ARID5B: variants seen among roughly 807,000 people sequenced by gnomAD.
The protein encoded by ARID5B is AT-rich interaction domain 5B.
ARID5B carries 13 observed loss-of-function variants against 97.2 expected under a neutral mutation model. The ratio of observed to expected loss-of-function variants is 0.13; its 90% CI spans 0.09 to 0.21. The LOEUF (loss-of-function observed/expected upper bound fraction) is 0.21. Ranked by LOEUF, ARID5B falls within the 10% of genes least tolerant of loss-of-function variation. The pLI is 1.00. For missense variants in ARID5B, 1,210 were observed against 1,465.3 expected, an observed-to-expected ratio of 0.83 and a Z score of 2.84; for synonymous variants, 556 against 570.3, an observed-to-expected ratio of 0.97 and a Z score of 0.36.
intron 8 of ARID5B, among the ~76,000 whole-genome samples, chr10:62,080,312 T>A (rs1403403549): frequency 6.6e-6 from 1 of 152,170 alleles, no homozygotes; most frequent in Non-Finnish European, 1.5e-5. Flanking sequence ...GTGGCTCACA[T>A]CTCTCTCAGA....
intron 2 of ARID5B, among the ~76,000 whole-genome samples, chr10:61,912,084 T>C (rs537480148): frequency 6.6e-6 from 1 of 152,360 alleles, no homozygotes; most frequent in South Asian, 2.1e-4. Context: ...ACTCCATTGT[T>C]CTATTGTATT....
At chr10:61,984,363 C>T (rs1046300177) in intron 3 of ARID5B, among the ~76,000 whole-genome samples, 17 of 152,222 alleles carry the variant, frequency 1.1e-4, no homozygotes, top group Middle Eastern at 3.2e-3. Context: ...AATAAAGGTT[C>T]GCTGACTGCA....
intron 4 of ARID5B, among the ~76,000 whole-genome samples, chr10:62,038,608 AAGAC>A (rs1839594669): frequency 6.6e-6 from 1 of 152,198 alleles, no homozygotes. Flanking sequence ...GTATTGCAGA[AAGAC>A]AAAGTTCTAA....
At chr10:62,071,761 A>G (rs1055711883) in intron 8 of ARID5B, among the ~76,000 whole-genome samples, 3 of 152,176 alleles carry the variant, frequency 2.0e-5, no homozygotes, top group African/African-American at 7.2e-5. Context: ...AACTTTAGCA[A>G]TTAAGAAACA....
chr10:61,954,148 G>A (rs1319826363), intron 3 of ARID5B, among the ~76,000 whole-genome samples: 1 of 151,900 alleles, frequency 6.6e-6, no homozygotes, highest in African/African-American at 2.4e-5. Flanking sequence ...ACCTGAGGTT[G>A]GGAGTTCTAG....
At chr10:62,059,424 G>C (rs1839895140) in intron 7 of ARID5B, 129 bp downstream of exon 7, 1 of 677,182 alleles carries the variant, frequency 1.5e-6, no homozygotes, top group Non-Finnish European at 2.4e-6. Flanking sequence ...ACACTTTTGG[G>C]GGTTTATTGG....
At chr10:61,924,410 A>G in intron 2 of ARID5B, among the ~76,000 whole-genome samples, 1 of 152,232 alleles carries the variant, frequency 6.6e-6, no homozygotes, top group Non-Finnish European at 1.5e-5. Context: ...AGCCTGAATC[A>G]TTTACTGCAG....
rs1839780788 is a variant in ARID5B, at chr10:62,050,970, C to A, written c.816C>A (p.Asn272Lys). ...CATTCAGTGGTGTTAAGGATTCCAA[C>A]AACAATTCCGATGGCAAAGCCGTTG... ...RDSFSGVKDSNNNSDGKAVAK... is the reference protein window; with the variant it reads ...RDSFSGVKDSKNNSDGKAVAK... Residue 272 changes from asparagine (N) to lysine (K), a missense_variant, in exon 5 of 10, where the codon AAC becomes AAA. Asn to Lys is a moderately conservative substitution (Grantham distance 94, BLOSUM62 0). This residue lies in a region of ARID5B where 132 missense variants were observed against 156.7 expected (regional missense o/e 0.84). Transcript: ENST00000279873. The A allele has an allele frequency of 1.9e-6, 3 of 1,613,996 alleles. No homozygotes were observed. The highest frequency in any genetic ancestry group is 1.3e-5 in the African/African-American group (1 of 74,948).
At chr10:61,954,151 A>C (rs1389303332) in intron 3 of ARID5B, among the ~76,000 whole-genome samples, 2 of 152,002 alleles carry the variant, frequency 1.3e-5, no homozygotes, top group Admixed American at 1.3e-4. Flanking sequence ...TGAGGTTGGG[A>C]GTTCTAGACC....
In ARID5B at chr10:62,000,054, G is replaced by A; in HGVS notation, c.503-37G>A. Reference sequence around the variant, plus strand: ...TGGCCATGAAAGTTCTTTGTCAGAGGGAAGAGGGTAATGGAAGTGTTTTCT... The same window carrying A: ...TGGCCATGAAAGTTCTTTGTCAGAGAGAAGAGGGTAATGGAAGTGTTTTCT... On this transcript the variant is annotated intron_variant, in intron 3 of 9. Transcript: ENST00000279873. The surrounding 1 kb of genome is among the most constrained non-coding windows in gnomAD (Gnocchi z 4.4). 6.3e-7 allele frequency: 1 copy of A among 1,590,924 alleles called. No homozygotes were observed. The highest frequency in any genetic ancestry group is 8.6e-7 in the Non-Finnish European group (1 of 1,159,420).
intron 7 of ARID5B, among the ~76,000 whole-genome samples, chr10:62,066,813 C>T (rs1431254970): frequency 6.6e-6 from 1 of 152,138 alleles, no homozygotes; most frequent in African/African-American, 2.4e-5. Context: ...CCCTAAATAT[C>T]CCCGGCTTTC....
chr10:61,996,875 T>C (rs1839004400), intron 3 of ARID5B, among the ~76,000 whole-genome samples: 1 of 145,978 alleles, frequency 6.9e-6, no homozygotes, highest in South Asian at 2.2e-4. Flanking sequence ...TTTTTAAAAG[T>C]CTGACAACTG....
At chr10:62,014,571 G>A (rs886106933) in intron 4 of ARID5B, among the ~76,000 whole-genome samples, 1 of 152,134 alleles carries the variant, frequency 6.6e-6, no homozygotes, top group African/African-American at 2.4e-5. Context: ...AAAAAGCACA[G>A]TGTACTAGAA....
intron 2 of ARID5B, among the ~76,000 whole-genome samples, chr10:61,921,490 A>G (rs927070732): frequency 1.3e-5 from 2 of 152,202 alleles, no homozygotes; most frequent in East Asian, 1.9e-4. Context: ...GCTGGGCCAC[A>G]TGGGCCTCTC....
At chr10:62,024,050 T>G (rs1021244602) in intron 4 of ARID5B, among the ~76,000 whole-genome samples, 1 of 152,220 alleles carries the variant, frequency 6.6e-6, no homozygotes, top group Non-Finnish European at 1.5e-5. Flanking sequence ...ATGGGGATGA[T>G]AATCCTCTCA....
At chr10:62,007,745 A>G (rs1387862852) in intron 4 of ARID5B, among the ~76,000 whole-genome samples, 1 of 152,230 alleles carries the variant, frequency 6.6e-6, no homozygotes, top group Non-Finnish European at 1.5e-5. Flanking sequence ...AAAATGAAGT[A>G]TGTCATTTGC....
intron 2 of ARID5B, among the ~76,000 whole-genome samples, chr10:61,939,464 C>T (rs1182664581): frequency 6.6e-6 from 1 of 152,172 alleles, no homozygotes; most frequent in Non-Finnish European, 1.5e-5. Flanking sequence ...ACTTGCATTT[C>T]AACTACTTTT....
Position 62,091,366 on chromosome 10 carries a change from A to C in ARID5B, c.1903A>C (p.Ser635Arg), listed in dbSNP as rs1195576419. Residue 635 changes from serine (S) to arginine (R), a missense_variant, in exon 10 of 10, where the codon AGT becomes CGT. Ser to Arg is a moderately radical substitution (Grantham distance 110). Around this residue, in one of 8 missense-constraint regions of ARID5B, gnomAD observed 800 missense variants for 839.1 expected, o/e 0.95. Coordinates refer to ENST00000279873, the MANE Select transcript of ARID5B (RefSeq NM_032199.3). ...NCTVKVDQLG[S>R]DDIHNALKQT... is the part of the protein sequence containing the mutation. The stretch of plus-strand genomic sequence containing the variant: ...CACCGTGAAGGTGGACCAGCTGGGC[A>C]GTGACGACATCCACAATGCGCTCAA... 1 of 1,614,180 alleles carries C rather than the reference A, an allele frequency of 6.2e-7. No homozygotes were observed. The highest frequency in any genetic ancestry group is 8.5e-7 in the Non-Finnish European group (1 of 1,180,028).
intron 2 of ARID5B, among the ~76,000 whole-genome samples, chr10:61,923,132 G>A (rs966062553): frequency 1.3e-5 from 2 of 152,152 alleles, no homozygotes; most frequent in Non-Finnish European, 2.9e-5. Flanking sequence ...TACACATGGG[G>A]CATGTTGTAT....
Sources: allele counts gnomAD v4.1 joint callset (sites outside exome capture counted in the v4.1 genomes callset), GRCh38; gene constraint gnomAD v4.1.1; regional missense constraint gnomAD v4.1.1; non-coding constraint Gnocchi (gnomAD v3.1); transcripts MANE v1.5; gene names NCBI Gene and HGNC (gene_info 2026-07-23, HGNC 2026-07-21).